Variants in AFG2A observed in about 807,000 individuals in gnomAD.
The protein encoded by AFG2A is ATPase family gene 2 protein homolog A.
chr4:123,275,243 A>T, the AFG2A span, among the ~76,000 whole-genome samples: 1 of 152,148 alleles, frequency 6.6e-6, no homozygotes, highest in Admixed American at 6.6e-5. Flanking sequence ...GGGCCTGCAG[A>T]AACCAAATGA....
chr4:123,002,584 G>C, the AFG2A span, among the ~76,000 whole-genome samples: 2 of 152,272 alleles, frequency 1.3e-5, no homozygotes, highest in South Asian at 4.1e-4. Context: ...GGCTGGATAT[G>C]AAATTCTGGG....
At chr4:123,199,877 A>G in the AFG2A span, among the ~76,000 whole-genome samples, 1 of 152,168 alleles carries the variant, frequency 6.6e-6, no homozygotes, top group Non-Finnish European at 1.5e-5. Context: ...ATCTGCTTTC[A>G]TGTAGTTTTT....
the AFG2A span, among the ~76,000 whole-genome samples, chr4:123,255,360 A>G: frequency 6.6e-6 from 1 of 152,108 alleles, no homozygotes; most frequent in Non-Finnish European, 1.5e-5. Context: ...CCCCGTCTCT[A>G]CTAAAAATTA....
At chr4:123,052,003 GTT>G in the AFG2A span, among the ~76,000 whole-genome samples, 4 of 152,084 alleles carry the variant, frequency 2.6e-5, no homozygotes, top group South Asian at 6.2e-4. Context: ...GCTTTGGAAA[GTT>G]TTTTGTATTT....
At chr4:123,008,598 G>T in the AFG2A span, among the ~76,000 whole-genome samples, 3 of 152,124 alleles carry the variant, frequency 2.0e-5, no homozygotes, top group Non-Finnish European at 4.4e-5. Context: ...TAAAATTGCT[G>T]TCTGAATTTC....
At chr4:123,191,305 T>G in the AFG2A span, among the ~76,000 whole-genome samples, 1 of 151,940 alleles carries the variant, frequency 6.6e-6, no homozygotes, top group Admixed American at 6.6e-5. Context: ...AGAAGGAATG[T>G]CATAGCTGGT....
the AFG2A span, among the ~76,000 whole-genome samples, chr4:123,203,862 A>C: frequency 1.3e-5 from 2 of 152,244 alleles, no homozygotes; most frequent in Non-Finnish European, 2.9e-5. Flanking sequence ...ACAGTTGTAT[A>C]GCTTAACAAT....
chr4:123,101,106 T>C, the AFG2A span, among the ~76,000 whole-genome samples: 2 of 151,982 alleles, frequency 1.3e-5, no homozygotes, highest in Admixed American at 6.6e-5. Context: ...CTATATATCT[T>C]AAATACCAAG....
chr4:123,296,016 A>C, the AFG2A span, among the ~76,000 whole-genome samples: 1 of 152,200 alleles, frequency 6.6e-6, no homozygotes, highest in Non-Finnish European at 1.5e-5. Context: ...AATATATCCC[A>C]GCTAATGAAT....
At chr4:122,983,451 A>T in the AFG2A span, among the ~76,000 whole-genome samples, 1 of 152,066 alleles carries the variant, frequency 6.6e-6, no homozygotes, top group Non-Finnish European at 1.5e-5. Flanking sequence ...ATTGCTATAA[A>T]CTTTCCTCAT....
At chr4:123,028,514 T>C in the AFG2A span, 40 of 770,882 alleles carry the variant, frequency 5.2e-5, no homozygotes, top group East Asian at 1.1e-3. Flanking sequence ...TTCTTTTTTT[T>C]TTATTTGATG....
the AFG2A span, among the ~76,000 whole-genome samples, chr4:123,145,437 T>TAA: frequency 6.6e-6 from 1 of 152,096 alleles, no homozygotes; most frequent in Non-Finnish European, 1.5e-5. Context: ...AATTAAGCAA[T>TAA]TAGATTACTG....
At chr4:123,308,535 A>C in the AFG2A span, among the ~76,000 whole-genome samples, 1 of 152,122 alleles carries the variant, frequency 6.6e-6, no homozygotes, top group Non-Finnish European at 1.5e-5. Flanking sequence ...TGAACTGTGC[A>C]TGTGAGGGAT....
At chr4:123,052,478 A>T in the AFG2A span, among the ~76,000 whole-genome samples, 1 of 152,208 alleles carries the variant, frequency 6.6e-6, no homozygotes, top group South Asian at 2.1e-4. Flanking sequence ...TGTTGAGATC[A>T]TATTACCCAG....
the AFG2A span, among the ~76,000 whole-genome samples, chr4:122,937,102 A>T: frequency 6.6e-6 from 1 of 152,174 alleles, no homozygotes; most frequent in Non-Finnish European, 1.5e-5. Context: ...GTGAGCCATG[A>T]TTTCACTGCT....
chr4:123,139,395 C>T, the AFG2A span, among the ~76,000 whole-genome samples: 4 of 152,012 alleles, frequency 2.6e-5, no homozygotes, highest in East Asian at 7.7e-4. Flanking sequence ...TCAGACACAA[C>T]CATCTTTTAT....
the AFG2A span, among the ~76,000 whole-genome samples, chr4:122,939,633 A>AT: frequency 0.096 from 14,201 of 147,596 alleles, 838 homozygotes; most frequent in Middle Eastern, 0.2. Flanking sequence ...GTCATTTAGA[A>AT]TTTTTTTTTT....
At chr4:123,031,832 T>TA in the AFG2A span, among the ~76,000 whole-genome samples, 3 of 152,226 alleles carry the variant, frequency 2.0e-5, no homozygotes, top group Non-Finnish European at 2.9e-5. Flanking sequence ...AAAAGATACG[T>TA]ACTGTACTCA....
At chr4:122,946,280 T>A in the AFG2A span, among the ~76,000 whole-genome samples, 1 of 152,246 alleles carries the variant, frequency 6.6e-6, no homozygotes. Flanking sequence ...GGCTTAGTGT[T>A]GGAGAATCTT....
Sources: allele counts gnomAD v4.1 joint callset (sites outside exome capture counted in the v4.1 genomes callset), GRCh38; gene constraint gnomAD v4.1.1; transcripts MANE v1.5; gene names NCBI Gene and HGNC (gene_info 2026-07-23, HGNC 2026-07-21).